The following RASA1 variants were observed in gnomAD, a reference collection of about 807,000 sequenced individuals.
RASA1 encodes the protein ras GTPase-activating protein 1.
In RASA1, 25 loss-of-function variants were observed where a neutral mutation model predicts 132.2. The ratio of observed to expected loss-of-function variants is 0.19; its 90% confidence interval spans 0.14 to 0.26. The LOEUF is 0.26. RASA1 is among the 10% of genes least tolerant of loss of function. RASA1 has a pLI of 1.00. For missense variants in RASA1, 964 were observed against 1,299.2 expected, an observed-to-expected ratio of 0.74 and a Z score of 3.97; for synonymous variants, 477 against 449.9, an observed-to-expected ratio of 1.06 and a Z score of -0.76.
At chr5:87,374,682 C>T (rs1333840454) in intron 14 of RASA1, among the ~76,000 whole-genome samples, 158 bp from the exon 15 acceptor site, 1 of 150,942 alleles carries the variant, frequency 6.6e-6, no homozygotes, top group Non-Finnish European at 1.5e-5. Context: ...CTTCTGTATA[C>T]CAAATAATAA....
Position 87,342,729 on chromosome 5 carries a change from T to C in RASA1, c.1049+1408T>C, listed in dbSNP as rs548018764. Among the ~76,000 whole-genome samples, 92 of 152,304 alleles carry C rather than the reference T, an allele frequency of 6.0e-4. 1 individual carries two copies. Among genetic ancestry groups the C allele is most frequent in the African/African-American group, 1.9e-3 (80 of 41,572 alleles). On this transcript the variant is annotated intron_variant, in intron 6 of 24. Coordinates refer to ENST00000274376, the MANE Select transcript of RASA1 (RefSeq NM_002890.3). ...TAGAAAACTAGAAAGTGTTTGCCTA[T>C]TGTAAGGTAATCACTTTGTCTAGTT... is the stretch of plus-strand genomic sequence containing the variant.
intron 1 of RASA1, among the ~76,000 whole-genome samples, chr5:87,286,664 C>A (rs949609083): frequency 5.3e-5 from 8 of 151,796 alleles, no homozygotes; most frequent in Non-Finnish European, 8.8e-5. Flanking sequence ...ATTTTACTTT[C>A]AGTAGACAAA....
intron 8 of RASA1, among the ~76,000 whole-genome samples, chr5:87,352,709 A>G (rs956822024): frequency 6.6e-5 from 10 of 151,110 alleles, no homozygotes; most frequent in African/African-American, 1.9e-4. Flanking sequence ...CCTGTTTCTG[A>G]TATAAAACCA....
intron 1 of RASA1, among the ~76,000 whole-genome samples, chr5:87,274,455 G>T (rs1753982798): frequency 6.6e-6 from 1 of 152,114 alleles, no homozygotes; most frequent in South Asian, 2.1e-4. Flanking sequence ...ATAAAAATGG[G>T]GGTGAGACTT....
chr5:87,307,988 C>A (rs1755699037), intron 1 of RASA1, among the ~76,000 whole-genome samples: 1 of 152,272 alleles, frequency 6.6e-6, no homozygotes, highest in African/African-American at 2.4e-5. Flanking sequence ...TTGAATACTG[C>A]AGTTTGCTAT....
rs1491365794 is a variant in RASA1 at position 87,338,533 on chromosome 5, A to ATAT, written c.1017+442_1017+443insTAT. On this transcript the variant is annotated intron_variant, in intron 5 of 24. Transcript: ENST00000274376. ...TATATATATATATATATATATATAT[A>ATAT]AAATTTTTTTTTTTTTTAAGTAGAA... 6.5e-3 allele frequency among the ~76,000 whole-genome samples: 596 copies of ATAT among 91,106 alleles called. 20 individuals are homozygous for ATAT. The highest frequency in any genetic ancestry group is 0.013 in the Middle Eastern group (2 of 154). 59.8% of individuals were successfully genotyped at this position (91,106 alleles called of 152,430 possible).
At chr5:87,327,873 G>A (rs534064978) in intron 1 of RASA1, among the ~76,000 whole-genome samples, 1 of 151,898 alleles carries the variant, frequency 6.6e-6, no homozygotes, top group Non-Finnish European at 1.5e-5. Context: ...GCAGAGACAG[G>A]AGAATCACTT....
At chr5:87,321,116 T>C (rs1756766754) in intron 1 of RASA1, among the ~76,000 whole-genome samples, 1 of 151,974 alleles carries the variant, frequency 6.6e-6, no homozygotes, top group Non-Finnish European at 1.5e-5. Flanking sequence ...ATGGAGAGGG[T>C]AGTAATGAAT....
At chr5:87,289,784 A>AT (rs1754835352) in intron 1 of RASA1, among the ~76,000 whole-genome samples, 1 of 151,986 alleles carries the variant, frequency 6.6e-6, no homozygotes, top group South Asian at 2.1e-4. Context: ...CTAATGCTTT[A>AT]TTTTTTGTAT....
At chr5:87,384,472 G>GT (rs1230520645) in intron 21 of RASA1, among the ~76,000 whole-genome samples, 1 of 152,030 alleles carries the variant, frequency 6.6e-6, no homozygotes, top group Non-Finnish European at 1.5e-5. Context: ...TACTAAAAAT[G>GT]TTTTGGAATG....
chr5:87,273,713 T>C (rs1357592329), intron 1 of RASA1, among the ~76,000 whole-genome samples: 1 of 151,338 alleles, frequency 6.6e-6, no homozygotes, highest in Non-Finnish European at 1.5e-5. Flanking sequence ...TTTTTTTTTT[T>C]TTGAGATGGA....
intron 1 of RASA1, among the ~76,000 whole-genome samples, chr5:87,295,491 A>G (rs1755079249): frequency 6.7e-6 from 1 of 150,296 alleles, no homozygotes; most frequent in African/African-American, 2.4e-5. Flanking sequence ...CACACCAGTT[A>G]TATATATATA....
intron 14 of RASA1, 69 bp downstream of exon 14, chr5:87,374,389 G>A: frequency 7.0e-7 from 1 of 1,429,070 alleles, no homozygotes; most frequent in African/African-American, 1.4e-5. Context: ...TGTTTTTTTG[G>A]TCTCTGTATC....
At position 87,296,077 on chromosome 5, in the gene RASA1, A is replaced by G. The variant is rs558820411; in HGVS notation, c.539+27087A>G. On this transcript the variant is annotated intron_variant, in intron 1 of 24. Coordinates refer to ENST00000274376, the MANE Select transcript of RASA1 (RefSeq NM_002890.3). ...AGTGATCTGCCTGCCTTGGCCTCCC[A>G]AAGTGTTGGGATTACAGGTGTGAGC... Among the ~76,000 whole-genome samples the G allele has an allele frequency of 7.2e-5, 11 of 151,814 alleles. No homozygotes were observed. In the East Asian group the frequency reaches 9.7e-4, roughly 13 times the overall value.
At chr5:87,319,383 C>G (rs1033536606) in intron 1 of RASA1, among the ~76,000 whole-genome samples, 1 of 152,232 alleles carries the variant, frequency 6.6e-6, no homozygotes, top group African/African-American at 2.4e-5. Context: ...GGACTCTGGC[C>G]CTGTAGCGGA....
chr5:87,311,987 C>T (rs1755951887), intron 1 of RASA1, among the ~76,000 whole-genome samples: 1 of 152,200 alleles, frequency 6.6e-6, no homozygotes, highest in Admixed American at 6.5e-5. Flanking sequence ...TAATCCTTTA[C>T]TGCATACTGG....
At chr5:87,277,857 T>A (rs1203501803) in intron 1 of RASA1, among the ~76,000 whole-genome samples, 1 of 152,132 alleles carries the variant, frequency 6.6e-6, no homozygotes, top group Non-Finnish European at 1.5e-5. Context: ...ATTGTACCTC[T>A]GTTGAAAGAT....
Position 87,304,861 on chromosome 5 carries a change from T to C in RASA1, c.540-26487T>C, listed in dbSNP as rs568059327. On this transcript the variant is annotated intron_variant, in intron 1 of 24. Coordinates refer to ENST00000274376, the MANE Select transcript of RASA1 (RefSeq NM_002890.3). ...TTACTCTTTATGATGCTCTTCACTT[T>C]ATGCTGCATTTCCATTCTTTCCTGT... Among the ~76,000 whole-genome samples, 10 of 152,206 alleles carry C rather than the reference T, an allele frequency of 6.6e-5. No homozygotes were observed. In the East Asian group the frequency reaches 1.5e-3, roughly 23 times the overall value.
intron 1 of RASA1, among the ~76,000 whole-genome samples, chr5:87,329,664 T>C (rs1328968282): frequency 6.6e-6 from 1 of 152,138 alleles, no homozygotes; most frequent in Non-Finnish European, 1.5e-5. Context: ...ATAACAAGTA[T>C]ATAAAAATAG....
Sources: gnomAD v4.1 joint callset for allele counts (sites outside exome capture counted in the v4.1 genomes callset) on GRCh38, gnomAD v4.1.1 for gene constraint, MANE v1.5 for transcripts, NCBI Gene and HGNC (gene_info 2026-07-23, HGNC 2026-07-21) for gene names.